The following MSRB2 variants were observed in gnomAD, a reference collection of about 807,000 sequenced individuals.
The protein encoded by MSRB2 is methionine sulfoxide reductase B2.
Under a neutral mutation model 19.0 loss-of-function variants are expected in MSRB2, and 17 were observed. That is an observed-to-expected ratio of 0.89 (90% confidence interval 0.61 to 1.34). The LOEUF is 1.34. Ranked by LOEUF, MSRB2 falls within the 40% of genes most tolerant of loss-of-function variation. MSRB2 has a pLI of 0.00. For synonymous variants in MSRB2, 107 were observed against 99.7 expected (o/e 1.07, Z -0.44); for missense variants, 208 against 237.6 (o/e 0.88, Z 0.82).
intron 2 of MSRB2, 152 bp from the exon 3 acceptor site, chr10:23,110,090 C>T: frequency 6.8e-6 from 4 of 589,356 alleles, no homozygotes; most frequent in Non-Finnish European, 1.2e-5. Context: ...TCATTGGGTA[C>T]ATTATAATTT....
intron 2 of MSRB2, among the ~76,000 whole-genome samples, chr10:23,109,323 G>A (rs1840019764): frequency 6.6e-6 from 1 of 152,182 alleles, no homozygotes; most frequent in South Asian, 2.1e-4. Flanking sequence ...GCCAAGACAT[G>A]CAGATCACTT....
At position 23,107,958 on chromosome 10, in the gene MSRB2, ATTT is replaced by A. The variant is rs201449480; in HGVS notation, c.220-2270_220-2268del. ...GTTGGCTGAGTATTCCTTTTCATTGATTTTTTTTTTTTTTTTCTTGAGATGGGG... is the reference window on the plus strand; with the variant it reads ...GTTGGCTGAGTATTCCTTTTCATTGATTTTTTTTTTTTTCTTGAGATGGGG... On this transcript the variant is annotated intron_variant, in intron 2 of 4. Transcript: ENST00000376510. Among the ~76,000 whole-genome samples the A allele has an allele frequency of 3.2e-3, 468 of 146,390 alleles. 2 individuals carry two copies. The highest frequency in any genetic ancestry group is 0.013 in the East Asian group (67 of 4,972).
At chr10:23,118,810 G>C (rs1454349664) in intron 3 of MSRB2, among the ~76,000 whole-genome samples, 1 of 152,192 alleles carries the variant, frequency 6.6e-6, no homozygotes, top group Non-Finnish European at 1.5e-5. Context: ...GAAGTGGCCA[G>C]AGGCAGCTTT....
intron 1 of MSRB2, among the ~76,000 whole-genome samples, chr10:23,099,805 A>T (rs778150766): frequency 3.9e-5 from 6 of 152,246 alleles, no homozygotes; most frequent in Non-Finnish European, 7.3e-5. Flanking sequence ...GTAACAAAAT[A>T]TAGAGGTGTG....
intron 1 of MSRB2, among the ~76,000 whole-genome samples, chr10:23,102,155 C>T (rs549964931): frequency 2.6e-5 from 4 of 152,166 alleles, no homozygotes; most frequent in Non-Finnish European, 4.4e-5. Context: ...GAGACACACA[C>T]GCGCAAACGT....
At chr10:23,103,440 A>T (rs1037605608) in intron 1 of MSRB2, among the ~76,000 whole-genome samples, 5 of 152,070 alleles carry the variant, frequency 3.3e-5, no homozygotes, top group African/African-American at 1.2e-4. Flanking sequence ...TGGGCTTCCT[A>T]CTCCCTTTGG....
intron 4 of MSRB2, 115 bp downstream of exon 4, chr10:23,119,566 A>G: frequency 2.4e-6 from 3 of 1,235,684 alleles, no homozygotes; most frequent in Non-Finnish European, 3.4e-6. Flanking sequence ...TTTTGTCTTC[A>G]GAACACATGG....
chr10:23,108,045 C>G (rs1251238671), intron 2 of MSRB2, among the ~76,000 whole-genome samples: 1 of 151,768 alleles, frequency 6.6e-6, no homozygotes, highest in Non-Finnish European at 1.5e-5. Flanking sequence ...ACTGCAACCT[C>G]TACCTCCTGG....
At chr10:23,119,105 C>T in intron 3 of MSRB2, 199 bp from the exon 4 acceptor site, 1 of 695,874 alleles carries the variant, frequency 1.4e-6, no homozygotes, top group South Asian at 1.5e-5. Flanking sequence ...AGTCCTTCCA[C>T]TTCGAGAGGC....
chr10:23,099,258 T>G (rs1330759564), intron 1 of MSRB2, among the ~76,000 whole-genome samples: 1 of 152,276 alleles, frequency 6.6e-6, no homozygotes, highest in East Asian at 1.9e-4. Flanking sequence ...CTGACCTGGG[T>G]GTACCCAACT....
At chr10:23,118,330 G>GTTTTTTTTTTTT (rs199691499) in intron 3 of MSRB2, among the ~76,000 whole-genome samples, 4 of 86,650 alleles carry the variant, frequency 4.6e-5, no homozygotes, top group African/African-American at 1.9e-4. Context: ...TCTTAGATTA[G>GTTTTTTTTTTTT]TTTTTTGTTT....
chr10:23,107,472 T>A (rs1010285274), intron 2 of MSRB2, among the ~76,000 whole-genome samples: 1 of 152,364 alleles, frequency 6.6e-6, no homozygotes, highest in African/African-American at 2.4e-5. Context: ...CAGCTTAGTG[T>A]TGGCATTTTT....
At position 23,099,982 on chromosome 10, in the gene MSRB2, G is replaced by GCTTA. The variant is rs575785112; in HGVS notation, c.119-4162_119-4161insCTTA. ...TGTACTGCCTGTTGAGTCACACTAA[G>GCTTA]GACAGTGCTTCCAGGAGACAATAGG... On this transcript the variant is annotated intron_variant, in intron 1 of 4. Coordinates refer to ENST00000376510, the MANE Select transcript of MSRB2 (RefSeq NM_012228.4). Among the ~76,000 whole-genome samples, 252 of 152,240 alleles carry GCTTA rather than the reference G, an allele frequency of 1.7e-3. 3 individuals carry two copies. The highest frequency in any genetic ancestry group is 5.9e-3 in the African/African-American group (243 of 41,514).
At chr10:23,113,772 C>T (rs547217054) in intron 3 of MSRB2, among the ~76,000 whole-genome samples, 266 of 152,198 alleles carry the variant, frequency 1.7e-3, no homozygotes, top group African/African-American at 6.1e-3. Context: ...CATGTGAAAA[C>T]GGAAGCAGAG....
At position 23,095,728 on chromosome 10, in the gene MSRB2, T is replaced by A; in HGVS notation, c.118+2T>A. ...CCGGGCCGGGACTGGGGGAGGCAGGTAGGACGCGGGTCCCGCAGGCCCCGC... is the reference window on the plus strand; with the variant it reads ...CCGGGCCGGGACTGGGGGAGGCAGGAAGGACGCGGGTCCCGCAGGCCCCGC... On this transcript the variant is annotated splice_donor_variant, in intron 1 of 4. Transcript: ENST00000376510. LOFTEE classifies it high-confidence loss of function. The A allele has an allele frequency of 8.0e-7, 1 of 1,254,268 alleles. No individual in the cohort carries two copies. Among genetic ancestry groups the A allele is most frequent in the Non-Finnish European group, 1.0e-6 (1 of 1,002,066 alleles). The allele number at this position is 1,254,268 out of a possible 1,614,324, so 77.7% of individuals were successfully genotyped here. A position where few individuals can be genotyped will look rare whatever the true frequency, so the allele number is the denominator to read the frequency against.
At position 23,113,500 on chromosome 10, in the gene MSRB2, T is replaced by C. The variant is rs115553868; in HGVS notation, c.296+3182T>C. Among the ~76,000 whole-genome samples the C allele has an allele frequency of 7.2e-3, 1,092 of 152,244 alleles. 17 individuals are homozygous for C. The highest frequency in any genetic ancestry group is 0.025 in the South Asian group (123 of 4,824). On this transcript the variant is annotated intron_variant, in intron 3 of 4. Coordinates refer to ENST00000376510, the MANE Select transcript of MSRB2 (RefSeq NM_012228.4). ...ATTTTATTTAGTTAAGGAGATAAAC[T>C]TGATTAGCTTTCGAGTCCCTTGGCC...
Position 23,110,310 on chromosome 10 carries a change from A to G in MSRB2, c.288A>G (p.Pro96=). The change falls in exon 3 of 5, where the codon CCA becomes CCG. Residue 96 remains proline, a synonymous_variant. Transcript: ENST00000376510. Reference sequence around the variant, plus strand: ...ATCATTGCGTGTGCTGCGACAGTCCACTCTTCAGGTAAGATAAAGAATTGA... The same window carrying G: ...ATCATTGCGTGTGCTGCGACAGTCCGCTCTTCAGGTAAGATAAAGAATTGA... The part of the protein sequence containing the change: ...GMYHCVCCDS[P]LFSSEKKYCS... 1 of 1,613,354 alleles carries G rather than the reference A, an allele frequency of 6.2e-7. No individual in the cohort carries two copies. Among genetic ancestry groups the G allele is most frequent in the South Asian group, 1.1e-5 (1 of 90,970 alleles).
chr10:23,105,446 C>T (rs968776800), intron 2 of MSRB2, among the ~76,000 whole-genome samples: 1 of 152,086 alleles, frequency 6.6e-6, no homozygotes, highest in African/African-American at 2.4e-5. Context: ...CTTCATCCTC[C>T]CCCTACCCCC....
chr10:23,116,897 A>T (rs1462580204), intron 3 of MSRB2, among the ~76,000 whole-genome samples: 1 of 152,192 alleles, frequency 6.6e-6, no homozygotes, highest in Non-Finnish European at 1.5e-5. Flanking sequence ...TTATTGCCAC[A>T]AAGAGGCTGT....
Sources: gnomAD v4.1 joint callset for allele counts (sites outside exome capture counted in the v4.1 genomes callset) on GRCh38, gnomAD v4.1.1 for gene constraint, MANE v1.5 for transcripts, NCBI Gene and HGNC (gene_info 2026-07-23, HGNC 2026-07-21) for gene names.